STPG2: variants seen among roughly 807,000 people sequenced by gnomAD.
The protein encoded by STPG2 is sperm-tail PG-rich repeat-containing protein 2.
Under a neutral mutation model 54.2 loss-of-function variants are expected in STPG2, and 56 were observed. That is an observed-to-expected ratio of 1.03 (90% CI 0.83 to 1.29). STPG2 has a LOEUF of 1.29. Ranked by LOEUF, STPG2 falls within the 50% of genes most tolerant of loss-of-function variation. The probability of loss-of-function intolerance (pLI) is 0.00; values close to 1 mark genes in which losing one functional copy is unlikely to be tolerated. For missense variants in STPG2, 596 were observed against 544.9 expected (o/e 1.09, Z -0.93); for synonymous variants, 200 against 181.8 (o/e 1.10, Z -0.81).
intron 8 of STPG2, among the ~76,000 whole-genome samples, chr4:97,887,347 T>G (rs963440515): frequency 2.6e-5 from 4 of 152,102 alleles, no homozygotes; most frequent in Non-Finnish European, 5.9e-5. Flanking sequence ...ACAGTGAAGG[T>G]CAGGTTGACA....
chr4:97,777,329 ATC>A (rs10590094), intron 9 of STPG2, among the ~76,000 whole-genome samples: 24,458 of 152,124 alleles, frequency 0.16, 2,114 homozygotes, highest in East Asian at 0.35. Context: ...CCATAAAATC[ATC>A]TCTTTCTTTA....
chr4:97,825,910 C>T (rs549068554), intron 9 of STPG2, among the ~76,000 whole-genome samples: 1 of 152,176 alleles, frequency 6.6e-6, no homozygotes, highest in Non-Finnish European at 1.5e-5. Context: ...GACATTTGGT[C>T]TAAATTAGGC....
downstream of STPG2, among the ~76,000 whole-genome samples, chr4:97,554,359 G>A (rs991889553): frequency 3.3e-5 from 5 of 152,194 alleles, no homozygotes; most frequent in African/African-American, 7.2e-5. Flanking sequence ...CTTCAGGGGA[G>A]TCCCGAACCA....
chr4:97,697,703 G>T (rs1033523159), intron 10 of STPG2, among the ~76,000 whole-genome samples: 4 of 152,194 alleles, frequency 2.6e-5, no homozygotes, highest in Non-Finnish European at 5.9e-5. Context: ...ATATGCTCGT[G>T]ATGGCTATGA....
intron 5 of STPG2, among the ~76,000 whole-genome samples, chr4:98,075,719 T>G (rs1738143329): frequency 6.6e-6 from 1 of 152,210 alleles, no homozygotes; most frequent in Non-Finnish European, 1.5e-5. Flanking sequence ...TCTAAGATAC[T>G]TAAGTATGTG....
At chr4:97,737,576 G>A (rs1057078973) in intron 9 of STPG2, among the ~76,000 whole-genome samples, 13 of 152,292 alleles carry the variant, frequency 8.5e-5, no homozygotes, top group Middle Eastern at 3.4e-3. Flanking sequence ...AGAAGCCTCA[G>A]GAGCTGATGT....
At chr4:98,119,388 G>C (rs919186395) in intron 3 of STPG2, among the ~76,000 whole-genome samples, 4 of 151,790 alleles carry the variant, frequency 2.6e-5, no homozygotes, top group Admixed American at 6.6e-5. Context: ...CAAAAAAAAA[G>C]TAAAGATTAA....
chr4:97,990,707 T>C (rs867881277), intron 5 of STPG2, among the ~76,000 whole-genome samples: 2 of 152,198 alleles, frequency 1.3e-5, no homozygotes, highest in Non-Finnish European at 1.5e-5. Context: ...GAAAGTATAC[T>C]GCCGTGGAAA....
At chr4:97,800,476 A>G (rs928819599) in intron 9 of STPG2, among the ~76,000 whole-genome samples, 1 of 152,230 alleles carries the variant, frequency 6.6e-6, no homozygotes, top group Non-Finnish European at 1.5e-5. Context: ...GGGTATCAGC[A>G]GTGGAGGCTG....
At chr4:97,969,289 C>A (rs576016736) in intron 7 of STPG2, among the ~76,000 whole-genome samples, 2 of 152,322 alleles carry the variant, frequency 1.3e-5, no homozygotes, top group South Asian at 4.1e-4. Context: ...CTGATGCACA[C>A]ACTATGTCGT....
intron 5 of STPG2, chr4:98,025,444 T>C (rs547762881): frequency 4.4e-6 from 2 of 457,830 alleles, no homozygotes; most frequent in East Asian, 5.1e-5. Flanking sequence ...AAGTGAAATT[T>C]AGAAGACGAG....
intron 9 of STPG2, among the ~76,000 whole-genome samples, chr4:97,720,817 T>G (rs1017171472): frequency 6.6e-6 from 1 of 151,976 alleles, no homozygotes; most frequent in Non-Finnish European, 1.5e-5. Flanking sequence ...TTGTCAAGGC[T>G]GCCACACACT....
At chr4:98,134,249 C>A in intron 2 of STPG2, 98 bp downstream of exon 2, 1 of 534,162 alleles carries the variant, frequency 1.9e-6, no homozygotes, top group East Asian at 3.3e-5. Flanking sequence ...TGAAAGAAGA[C>A]AATATAAGCA....
intron 5 of STPG2, among the ~76,000 whole-genome samples, chr4:98,039,259 A>G (rs1160831742): frequency 6.6e-6 from 1 of 151,862 alleles, no homozygotes; most frequent in Non-Finnish European, 1.5e-5. Flanking sequence ...GTCATACAAT[A>G]GAATTCTACA....
Position 97,670,629 on chromosome 4 carries a change from G to C in STPG2, c.1320+42070C>G, listed in dbSNP as rs1057083053. Among the ~76,000 whole-genome samples, 35 of 152,066 alleles carry C rather than the reference G, an allele frequency of 2.3e-4. 1 individual carries two copies. Among genetic ancestry groups the C allele is most frequent in the Admixed American group, 6.5e-5 (1 of 15,272 alleles). Reference sequence around the variant, plus strand: ...CTCTTACTCAGATAAATTTATTCTTGACCTTGCCTATTATTACATAAGAAA... The same window carrying C: ...CTCTTACTCAGATAAATTTATTCTTCACCTTGCCTATTATTACATAAGAAA... On this transcript the variant is annotated intron_variant, in intron 10 of 10. Transcript: ENST00000295268.
chr4:98,095,443 T>G (rs970095891), intron 5 of STPG2, among the ~76,000 whole-genome samples: 1 of 152,078 alleles, frequency 6.6e-6, no homozygotes, highest in Non-Finnish European at 1.5e-5. Flanking sequence ...TCTATAAAGA[T>G]GCACAGAGAC....
intron 4 of STPG2, among the ~76,000 whole-genome samples, chr4:97,503,305 T>C (rs1730766890): frequency 6.6e-6 from 1 of 152,082 alleles, no homozygotes; most frequent in Admixed American, 6.6e-5. Flanking sequence ...ACAGAATTTA[T>C]GGATAACATA....
Position 98,079,408 on chromosome 4 carries a change from C to G in STPG2, c.612+26545G>C, listed in dbSNP as rs1403292877. On this transcript the variant is annotated intron_variant, in intron 5 of 10. Transcript: ENST00000295268. The stretch of plus-strand genomic sequence containing the variant: ...ACAGATGTGGGTCACCCAGTATAAG[C>G]TGGCTGCAGGGTGTTAATGAATCCT... Among the ~76,000 whole-genome samples the G allele has an allele frequency of 3.9e-5, 6 of 152,288 alleles. No individual in the cohort carries two copies. The East Asian group carries it at 1.2e-3, about 29-fold the overall frequency.
intron 4 of STPG2, among the ~76,000 whole-genome samples, chr4:97,515,804 G>GT (rs1731063049): frequency 1.3e-5 from 2 of 151,820 alleles, no homozygotes; most frequent in South Asian, 4.1e-4. Context: ...ACTTATGTGT[G>GT]TATGTGTGTG....
Sources: gnomAD v4.1 joint callset for allele counts (sites outside exome capture counted in the v4.1 genomes callset) on GRCh38, gnomAD v4.1.1 for gene constraint, MANE v1.5 for transcripts, NCBI Gene and HGNC (gene_info 2026-07-23, HGNC 2026-07-21) for gene names.